MTOR: variants seen among roughly 807,000 people sequenced by gnomAD.
MTOR encodes serine/threonine-protein kinase mTOR.
Under a neutral mutation model 319.8 loss-of-function variants are expected in MTOR, and 70 were observed. That is an observed-to-expected ratio of 0.22 (90% CI 0.18 to 0.27). MTOR has a LOEUF of 0.27. Among genes scored for constraint, MTOR ranks in the 10% least tolerant of loss-of-function variants. The pLI is 1.00. For synonymous variants in MTOR, 1,183 were observed against 1,211.4 expected (o/e 0.98, Z 0.49); for missense variants, 1,890 against 3,274.4 (o/e 0.58, Z 10.32).
chr1:11,234,118 GC>G, intron 14 of MTOR, 24 bp downstream of exon 14: 1 of 1,614,038 alleles, frequency 6.2e-7, no homozygotes, highest in Non-Finnish European at 8.5e-7. Context: ...CACAGAGAAA[GC>G]ACCAGCCTCT....
At chr1:11,192,476 C>A in intron 28 of MTOR, 3 of 991,182 alleles carry the variant, frequency 3.0e-6, no homozygotes, top group Non-Finnish European at 4.6e-6. Flanking sequence ...GAAAATTCGG[C>A]TGGGCGCAGT....
rs1199006829 is a variant in MTOR at position 11,129,863 on chromosome 1, G to A, written c.5614-25C>T. The A allele has an allele frequency of 5.0e-6, 8 of 1,596,812 alleles. No individual in the cohort carries two copies. The highest frequency in any genetic ancestry group is 1.7e-5 in the Admixed American group (1 of 59,896). On this transcript the variant is annotated intron_variant, in intron 39 of 57. Coordinates refer to ENST00000361445, the MANE Select transcript of MTOR (RefSeq NM_004958.4). This position sits in a 1 kb window ranked among gnomAD's most constrained non-coding sequence, Gnocchi z 4.7. ...CCTGTTGGAACACACACGTGTTAGC[G>A]ACACTCTTGCCTCTGCTTTCTCATC...
At chr1:11,222,005 TTGGGAGG>T (rs1646679171) in intron 19 of MTOR, among the ~76,000 whole-genome samples, 1 of 151,128 alleles carries the variant, frequency 6.6e-6, no homozygotes, top group African/African-American at 2.4e-5. Flanking sequence ...GAGGGTAGGA[TTGGGAGG>T]TGGGAAGGTG....
rs991816449 is a variant in MTOR at position 11,135,706 on chromosome 1, G to A, written c.5131-1240C>T. 5.3e-5 allele frequency among the ~76,000 whole-genome samples: 8 copies of A among 151,540 alleles called. No individual in the cohort carries two copies. In the East Asian group the frequency reaches 5.8e-4, roughly 11 times the overall value. On this transcript the variant is annotated intron_variant, in intron 36 of 57. Transcript: ENST00000361445. ...AAATTAGCCGGGCGTGGTGGGGCGCGCCTGTAATCCCAGCTATTTGGGAGG... is the reference window on the plus strand; with the variant it reads ...AAATTAGCCGGGCGTGGTGGGGCGCACCTGTAATCCCAGCTATTTGGGAGG...
chr1:11,260,784 C>T (rs1442403387), intron 1 of MTOR, among the ~76,000 whole-genome samples: 1 of 149,654 alleles, frequency 6.7e-6, no homozygotes, highest in African/African-American at 2.5e-5. Context: ...TCAATTTGGA[C>T]TAGTCATTTT....
chr1:11,234,077 T>G (rs945219002), intron 14 of MTOR, 66 bp downstream of exon 14: 1 of 1,609,836 alleles, frequency 6.2e-7, no homozygotes, highest in African/African-American at 1.3e-5. Context: ...ACTGAAACAC[T>G]CCCATCTCCC....
intron 30 of MTOR, among the ~76,000 whole-genome samples, chr1:11,155,194 G>A (rs1644278215): frequency 6.6e-6 from 1 of 152,136 alleles, no homozygotes; most frequent in Admixed American, 6.5e-5. Context: ...TAGATTTATT[G>A]ATATGATGAA....
chr1:11,192,909 T>A (rs1645605569), intron 28 of MTOR, among the ~76,000 whole-genome samples: 1 of 152,166 alleles, frequency 6.6e-6, no homozygotes, highest in Admixed American at 6.5e-5. Flanking sequence ...CTAACATAGA[T>A]CAGATCATTC....
In MTOR at chr1:11,253,878, G is replaced by A; in HGVS notation, c.801C>T (p.Ile267=). The change falls in exon 6 of 58, where the codon ATC becomes ATT. Residue 267 remains isoleucine, a synonymous_variant. Transcript: ENST00000361445. ...TGCTGATTCGGACCAGCTCGTTAAG[G>A]ATCAACAAGGCTCCATGGATCCGAT... The part of the protein sequence containing the change: ...RDDRIHGALL[I]LNELVRISSM... The A allele has an allele frequency of 6.2e-7, 1 of 1,614,076 alleles. No individual in the cohort carries two copies. The highest frequency in any genetic ancestry group is 8.5e-7 in the Non-Finnish European group (1 of 1,180,016).
intron 28 of MTOR, chr1:11,194,397 G>C (rs1645691953): frequency 6.8e-7 from 1 of 1,480,154 alleles, no homozygotes; most frequent in Non-Finnish European, 9.4e-7. Flanking sequence ...GGAGAGAAGG[G>C]GTATAGAGAC....
At chr1:11,152,527 AC>A (rs1387258523) in intron 30 of MTOR, 4 of 152,126 alleles carry the variant, frequency 2.6e-5, no homozygotes, top group Admixed American at 2.0e-4. Flanking sequence ...TGTTCTCAAT[AC>A]CTAGCTGTGT....
At chr1:11,227,967 G>A (rs1646899841) in intron 19 of MTOR, among the ~76,000 whole-genome samples, 1 of 151,788 alleles carries the variant, frequency 6.6e-6, no homozygotes, top group African/African-American at 2.4e-5. Flanking sequence ...TCGCACTGAG[G>A]ATCAACAGTA....
chr1:11,217,208 T>C (rs1182807430), intron 19 of MTOR, among the ~76,000 whole-genome samples: 2 of 152,144 alleles, frequency 1.3e-5, no homozygotes, highest in African/African-American at 4.8e-5. Flanking sequence ...CAGTACCTTT[T>C]AGGTGTAGGA....
At chr1:11,172,074 C>T (rs1456060051) in intron 28 of MTOR, among the ~76,000 whole-genome samples, 1 of 150,916 alleles carries the variant, frequency 6.6e-6, no homozygotes, top group Non-Finnish European at 1.5e-5. Flanking sequence ...TATGACTTAT[C>T]TGTATAATAT....
At position 11,114,318 on chromosome 1, in the gene MTOR, T is replaced by C. The variant is rs1642050927; in HGVS notation, c.7300A>G (p.Thr2434Ala). 1.2e-5 allele frequency: 19 copies of C among 1,613,838 alleles called. No individual in the cohort carries two copies. The highest frequency in any genetic ancestry group is 1.5e-5 in the Non-Finnish European group (18 of 1,180,018). The change falls in exon 53 of 58, where the codon ACA becomes GCA. Residue 2434 changes from threonine to alanine, a missense_variant and splice_region_variant. By Grantham distance (58) the Thr-to-Ala change is moderately conservative. Coordinates refer to ENST00000361445, the MANE Select transcript of MTOR (RefSeq NM_004958.4). ...CTCCCAGGCACTTGATGATACTCACTGTCCATCAGCCTCCAGTTCAGCAAG... is the reference window on the plus strand; with the variant it reads ...CTCCCAGGCACTTGATGATACTCACCGTCCATCAGCCTCCAGTTCAGCAAG... ...DPLLNWRLMD[T>A]NTKGNKRSRT...
chr1:11,257,418 C>G (rs1170765374), intron 3 of MTOR, among the ~76,000 whole-genome samples: 1 of 150,002 alleles, frequency 6.7e-6, no homozygotes, highest in Admixed American at 6.6e-5. Flanking sequence ...AAAAAATTAG[C>G]CAGGCGTGGT....
At chr1:11,152,178 G>A (rs968309458) in intron 30 of MTOR, among the ~76,000 whole-genome samples, 6 of 152,146 alleles carry the variant, frequency 3.9e-5, no homozygotes, top group Non-Finnish European at 5.9e-5. Flanking sequence ...TCTCAAGGGC[G>A]GTTGGGTGAG....
chr1:11,172,046 A>AAG (rs1319764859), intron 28 of MTOR, among the ~76,000 whole-genome samples: 2 of 151,578 alleles, frequency 1.3e-5, no homozygotes, highest in African/African-American at 4.8e-5. Context: ...AAAAAAAAAA[A>AAG]AGAGAGAGGG....
At chr1:11,167,297 C>T in intron 29 of MTOR, 145 bp downstream of exon 29, 1 of 644,264 alleles carries the variant, frequency 1.6e-6, no homozygotes, top group Non-Finnish European at 2.8e-6. Flanking sequence ...TTATCTCTTT[C>T]ATCCTGAAGA....
Sources: gnomAD v4.1 joint callset for allele counts (sites outside exome capture counted in the v4.1 genomes callset) on GRCh38, gnomAD v4.1.1 for gene constraint, Gnocchi (gnomAD v3.1) non-coding constraint, MANE v1.5 for transcripts, NCBI Gene and HGNC (gene_info 2026-07-23, HGNC 2026-07-21) for gene names.